Variants in C1GALT1 observed in about 807,000 individuals in gnomAD.
C1GALT1 encodes the protein glycoprotein-N-acetylgalactosamine 3-beta-galactosyltransferase 1.
A neutral mutation model predicts 31.0 loss-of-function variants in C1GALT1; 11 were observed. The ratio of observed to expected loss-of-function variants is 0.36; its 90% CI spans 0.22 to 0.59. The LOEUF (loss-of-function observed/expected upper bound fraction) is 0.59, where lower values mean the gene tolerates loss of function less well. C1GALT1 is among the 20% of genes least tolerant of loss of function. The pLI, the probability that C1GALT1 is intolerant of heterozygous loss-of-function variation, is 0.79. For synonymous variants in C1GALT1, 175 were observed against 143.6 expected (o/e 1.22, Z -1.56); for missense variants, 424 against 425.2 (o/e 1.00, Z 0.03).
At chr7:7,198,258 G>C (rs1012714798) in intron 1 of C1GALT1, among the ~76,000 whole-genome samples, 3 of 152,120 alleles carry the variant, frequency 2.0e-5, no homozygotes, top group African/African-American at 7.2e-5. Context: ...GTTGAATTTT[G>C]TCGAAGGCCT....
intron 1 of C1GALT1, among the ~76,000 whole-genome samples, chr7:7,220,890 AATTTCAAAGG>A (rs1201504808): frequency 4.6e-5 from 7 of 152,190 alleles, no homozygotes; most frequent in African/African-American, 9.7e-5. Context: ...TTTTCCTCAG[AATTTCAAAGG>A]ATTTTCTCCA....
intron 1 of C1GALT1, among the ~76,000 whole-genome samples, chr7:7,190,426 T>G (rs1157157817): frequency 6.6e-6 from 1 of 152,010 alleles, no homozygotes; most frequent in East Asian, 1.9e-4. Flanking sequence ...AGTGCGAGAG[T>G]GGGATGTTCC....
intron 1 of C1GALT1, among the ~76,000 whole-genome samples, chr7:7,201,680 C>A (rs1781536945): frequency 6.6e-6 from 1 of 152,224 alleles, no homozygotes; most frequent in African/African-American, 2.4e-5. Flanking sequence ...GGTGCCTCTT[C>A]CAGCAGCACT....
chr7:7,179,701 G>T (rs974686883), upstream of C1GALT1, among the ~76,000 whole-genome samples: 1 of 152,076 alleles, frequency 6.6e-6, no homozygotes, highest in African/African-American at 2.4e-5. Flanking sequence ...AACAAATCCA[G>T]AAGTGGATAG....
At chr7:7,236,975 C>T (rs778231765) in intron 2 of C1GALT1, among the ~76,000 whole-genome samples, 5 of 152,180 alleles carry the variant, frequency 3.3e-5, no homozygotes, top group African/African-American at 9.7e-5. Flanking sequence ...GCATATGCTT[C>T]GTCAGGATAC....
chr7:7,228,109 C>G (rs1782886752), intron 1 of C1GALT1, among the ~76,000 whole-genome samples: 1 of 152,086 alleles, frequency 6.6e-6, no homozygotes, highest in Non-Finnish European at 1.5e-5. Flanking sequence ...GTACAGGGTT[C>G]AAATGTTAAC....
At chr7:7,189,055 T>C (rs2128230886) in intron 1 of C1GALT1, among the ~76,000 whole-genome samples, 1 of 152,304 alleles carries the variant, frequency 6.6e-6, no homozygotes, top group Non-Finnish European at 1.5e-5. Context: ...TTCTGATGTT[T>C]AAAAAAATAC....
At chr7:7,178,808 G>A (rs1780536335), upstream of C1GALT1, among the ~76,000 whole-genome samples, 4 of 152,172 alleles carry the variant, frequency 2.6e-5, no homozygotes, top group South Asian at 8.3e-4. Flanking sequence ...ATTATATCCA[G>A]CTGTATGAGT....
At chr7:7,193,653 A>C (rs1043944640) in intron 1 of C1GALT1, among the ~76,000 whole-genome samples, 1 of 151,798 alleles carries the variant, frequency 6.6e-6, no homozygotes, top group Non-Finnish European at 1.5e-5. Context: ...TGATTTGGCT[A>C]TGTGTGTTCC....
chr7:7,164,057 C>G (rs1780367061), intron 2 of C1GALT1, among the ~76,000 whole-genome samples: 1 of 152,172 alleles, frequency 6.6e-6, no homozygotes, highest in Non-Finnish European at 1.5e-5. Flanking sequence ...TGCTACCTGA[C>G]TTCAAACTAT....
At position 7,244,595 on chromosome 7, in the gene C1GALT1, A is replaced by G. The variant is rs1394169660; in HGVS notation, c.*868A>G. On this transcript the variant is annotated 3_prime_UTR_variant, in exon 4 of 4. Transcript: ENST00000436587. ...AATGCTGTTTCAGGATGCTTTTCTT[A>G]TAACAGTGCCACTCTCAGGAATTAC... 2 of 152,132 alleles carry G rather than the reference A, an allele frequency of 1.3e-5. No individual in the cohort carries two copies. The highest frequency in any genetic ancestry group is 2.9e-5 in the Non-Finnish European group (2 of 67,996). The allele number at this position is 152,132 out of a possible 1,614,324, so 9.4% of individuals were successfully genotyped here.
At chr7:7,169,673 A>AT (rs1248788672) in intron 2 of C1GALT1, among the ~76,000 whole-genome samples, 1 of 152,030 alleles carries the variant, frequency 6.6e-6, no homozygotes, top group Non-Finnish European at 1.5e-5. Flanking sequence ...CCATTTGTAC[A>AT]TTTTTTTGAG....
chr7:7,197,833 GCTCT>G (rs1284570240), intron 1 of C1GALT1, among the ~76,000 whole-genome samples: 1 of 151,944 alleles, frequency 6.6e-6, no homozygotes, highest in Non-Finnish European at 1.5e-5. Flanking sequence ...TCATGATTTG[GCTCT>G]CTGTCTGTTA....
intron 1 of C1GALT1, among the ~76,000 whole-genome samples, chr7:7,227,386 C>CTT (rs1183202453): frequency 6.6e-6 from 1 of 152,124 alleles, no homozygotes; most frequent in South Asian, 2.1e-4. Context: ...GGGTTAATAA[C>CTT]TTAATGGGTT....
Position 7,224,268 on chromosome 7 carries a change from G to GT in C1GALT1, c.-17-10025dup, listed in dbSNP as rs796473654. On this transcript the variant is annotated intron_variant, in intron 1 of 3. Coordinates refer to ENST00000436587, the MANE Select transcript of C1GALT1 (RefSeq NM_020156.5). ...GGGTAGTAGTCTGTAGTTTTTTTTG[G>GT]TTTTTTTTTTGTACTGTCTTTGTTG... 4.6e-4 allele frequency among the ~76,000 whole-genome samples: 63 copies of GT among 136,038 alleles called. No homozygotes were observed. In the East Asian group the frequency reaches 4.8e-3, roughly 10 times the overall value. The allele number at this position is 136,038 out of a possible 152,430, so 89.2% of individuals were successfully genotyped here. A position where few individuals can be genotyped will look rare whatever the true frequency, so the allele number is the denominator to read the frequency against.
intron 2 of C1GALT1, among the ~76,000 whole-genome samples, chr7:7,159,326 G>C (rs1780307290): frequency 6.6e-6 from 1 of 151,028 alleles, no homozygotes; most frequent in African/African-American, 2.4e-5. Flanking sequence ...ATAAAAAGTA[G>C]AACTAAAAAA....
intron 1 of C1GALT1, among the ~76,000 whole-genome samples, chr7:7,190,521 TAAC>T (rs1781022021): frequency 6.6e-6 from 1 of 152,178 alleles, no homozygotes; most frequent in African/African-American, 2.4e-5. Context: ...TCTTTAGTAT[TAAC>T]AAATGCATTT....
Position 7,244,715 on chromosome 7 carries a change from G to A in C1GALT1, c.*988G>A, listed in dbSNP as rs77316745. 1.6e-4 allele frequency: 25 copies of A among 152,194 alleles called. No homozygotes were observed. The East Asian group carries it at 4.8e-3, about 29-fold the overall frequency. 9.4% of individuals were successfully genotyped at this position (152,194 alleles called of 1,614,324 possible). A position where few individuals can be genotyped will look rare whatever the true frequency, so the allele number is the denominator to read the frequency against. On this transcript the variant is annotated 3_prime_UTR_variant, in exon 4 of 4. Coordinates refer to ENST00000436587, the MANE Select transcript of C1GALT1 (RefSeq NM_020156.5). Reference sequence around the variant, plus strand: ...CCTGTTGGGATGAGAACTTGTTTGTGCCTTTCATAACTTGTTTAAAGCAGA... The same window carrying A: ...CCTGTTGGGATGAGAACTTGTTTGTACCTTTCATAACTTGTTTAAAGCAGA...
chr7:7,190,443 A>G (rs1473057004), intron 1 of C1GALT1, among the ~76,000 whole-genome samples: 1 of 152,264 alleles, frequency 6.6e-6, no homozygotes, highest in Non-Finnish European at 1.5e-5. Flanking sequence ...TTCCATTCTC[A>G]CTTTATAAAA....
Sources: gnomAD v4.1 joint callset for allele counts (sites outside exome capture counted in the v4.1 genomes callset) on GRCh38, gnomAD v4.1.1 for gene constraint, MANE v1.5 for transcripts, NCBI Gene and HGNC (gene_info 2026-07-23, HGNC 2026-07-21) for gene names.